The following HDAC9 variants were observed in gnomAD, a reference collection of about 807,000 sequenced individuals.
The protein encoded by HDAC9 is histone deacetylase 9.
A neutral mutation model predicts 139.4 loss-of-function variants in HDAC9; 41 were observed. The ratio of observed to expected loss-of-function variants is 0.29; its 90% CI spans 0.23 to 0.38. HDAC9 has a LOEUF of 0.38. Among genes scored for constraint, HDAC9 ranks in the 10% least tolerant of loss-of-function variants. HDAC9 has a pLI of 1.00. For missense variants in HDAC9, 1,147 were observed against 1,297.0 expected (o/e 0.88, Z 1.78); for synonymous variants, 517 against 476.2 (o/e 1.09, Z -1.12).
At chr7:18,539,998 C>T (rs1478466831) in intron 2 of HDAC9, among the ~76,000 whole-genome samples, 1 of 150,682 alleles carries the variant, frequency 6.6e-6, no homozygotes, top group Non-Finnish European at 1.5e-5. Flanking sequence ...TGGCTCATGT[C>T]TGTAATCCCA....
chr7:18,388,576 G>A (rs1253378050), intron 1 of HDAC9, among the ~76,000 whole-genome samples: 1 of 152,110 alleles, frequency 6.6e-6, no homozygotes, highest in Non-Finnish European at 1.5e-5. Context: ...CTGATATATT[G>A]CTTCTAGTCA....
At chr7:18,876,321 C>G (rs1226086335) in intron 22 of HDAC9, among the ~76,000 whole-genome samples, 1 of 152,052 alleles carries the variant, frequency 6.6e-6, no homozygotes, top group Non-Finnish European at 1.5e-5. Flanking sequence ...CTCCAACTCC[C>G]CTCCCCTCGT....
At chr7:18,299,849 C>A (rs952347192) in intron 1 of HDAC9, among the ~76,000 whole-genome samples, 4 of 152,174 alleles carry the variant, frequency 2.6e-5, no homozygotes, top group Non-Finnish European at 5.9e-5. Flanking sequence ...TCTTAGCAAG[C>A]AAGCACTGTT....
chr7:18,643,472 G>A (rs1302889747), intron 8 of HDAC9, among the ~76,000 whole-genome samples: 1 of 152,026 alleles, frequency 6.6e-6, no homozygotes, highest in Non-Finnish European at 1.5e-5. Flanking sequence ...ATTTAACCTT[G>A]TGCTCTTATT....
chr7:18,105,812 G>A (rs1230552328), intron 1 of HDAC9, among the ~76,000 whole-genome samples: 1 of 152,130 alleles, frequency 6.6e-6, no homozygotes, highest in African/African-American at 2.4e-5. Context: ...TAGCCAGAAA[G>A]TGGAAACAAC....
chr7:18,825,604 A>G (rs1322719848), intron 17 of HDAC9, among the ~76,000 whole-genome samples: 3 of 152,036 alleles, frequency 2.0e-5, no homozygotes, highest in African/African-American at 7.2e-5. Context: ...AGGAGAAAGT[A>G]GGACAGACCA....
At chr7:18,303,964 A>G (rs1192444902) in intron 1 of HDAC9, among the ~76,000 whole-genome samples, 2 of 152,280 alleles carry the variant, frequency 1.3e-5, no homozygotes, top group Middle Eastern at 3.4e-3. Flanking sequence ...CAAGAAAGAA[A>G]CTTCTCTGTT....
chr7:18,336,291 T>C (rs1781578645), intron 1 of HDAC9, among the ~76,000 whole-genome samples: 1 of 151,616 alleles, frequency 6.6e-6, no homozygotes. Context: ...CTTCATGAGA[T>C]GTTGCCCAGA....
At chr7:18,574,683 T>A in intron 2 of HDAC9, among the ~76,000 whole-genome samples, 1 of 152,228 alleles carries the variant, frequency 6.6e-6, no homozygotes, top group East Asian at 1.9e-4. Context: ...TGCTCTTTGG[T>A]GCCCAAGTCC....
intron 1 of HDAC9, among the ~76,000 whole-genome samples, chr7:18,410,400 A>G (rs2128743638): frequency 6.6e-6 from 1 of 152,318 alleles, no homozygotes; most frequent in African/African-American, 2.4e-5. Flanking sequence ...TAGCTCTGAC[A>G]TCAGTCATAA....
chr7:18,612,758 A>G (rs1280837145), intron 6 of HDAC9, among the ~76,000 whole-genome samples: 2 of 152,228 alleles, frequency 1.3e-5, no homozygotes, highest in East Asian at 3.9e-4. Flanking sequence ...CCACAGGAAA[A>G]TATTTAGTCA....
At chr7:18,777,089 G>T (rs1790834942) in intron 16 of HDAC9, among the ~76,000 whole-genome samples, 1 of 151,940 alleles carries the variant, frequency 6.6e-6, no homozygotes. Flanking sequence ...GAAGGTTGGG[G>T]GTGGGGGCAC....
At chr7:18,594,797 A>G (rs949444250) in intron 6 of HDAC9, among the ~76,000 whole-genome samples, 4 of 152,058 alleles carry the variant, frequency 2.6e-5, no homozygotes, top group African/African-American at 9.7e-5. Flanking sequence ...CTAAATCTCA[A>G]CGTTGTTTGC....
intron 6 of HDAC9, among the ~76,000 whole-genome samples, chr7:18,628,397 A>T (rs1022867050): frequency 6.6e-6 from 1 of 152,156 alleles, no homozygotes; most frequent in Non-Finnish European, 1.5e-5. Flanking sequence ...GTTGATATTG[A>T]TAAAACATTT....
intron 2 of HDAC9, among the ~76,000 whole-genome samples, chr7:18,192,910 A>G (rs910134599): frequency 7.9e-5 from 12 of 152,222 alleles, no homozygotes; most frequent in Non-Finnish European, 1.8e-4. Flanking sequence ...CTTAAAAGCC[A>G]CTGATTGACT....
intron 22 of HDAC9, among the ~76,000 whole-genome samples, chr7:18,909,007 A>C (rs1585285985): frequency 6.6e-6 from 1 of 152,140 alleles, no homozygotes; most frequent in African/African-American, 2.4e-5. Context: ...TTATATTCCC[A>C]TGAACAGTGT....
At chr7:18,276,821 A>C (rs1468975538) in intron 2 of HDAC9, among the ~76,000 whole-genome samples, 1 of 152,206 alleles carries the variant, frequency 6.6e-6, no homozygotes, top group East Asian at 1.9e-4. Context: ...TTACTTCAAA[A>C]ACATTTTAAT....
At chr7:18,952,130 G>A (rs1782842170) in intron 23 of HDAC9, among the ~76,000 whole-genome samples, 1 of 151,936 alleles carries the variant, frequency 6.6e-6, no homozygotes. Flanking sequence ...AACATGCAGG[G>A]AAATGGTTTG....
At chr7:18,967,747 T>G (rs1430353283) in intron 24 of HDAC9, among the ~76,000 whole-genome samples, 4 of 152,222 alleles carry the variant, frequency 2.6e-5, no homozygotes, top group Non-Finnish European at 5.9e-5. Flanking sequence ...CTAAACAAGC[T>G]TGATATTCTA....
Sources: gnomAD v4.1 joint callset for allele counts (sites outside exome capture counted in the v4.1 genomes callset) on GRCh38, gnomAD v4.1.1 for gene constraint, MANE v1.5 for transcripts, NCBI Gene and HGNC (gene_info 2026-07-23, HGNC 2026-07-21) for gene names.